The following RIF1 variants were observed in gnomAD, a reference collection of about 807,000 sequenced individuals.
The protein encoded by RIF1 is replication timing regulatory factor 1, also known as telomere-associated protein RIF1.
A neutral mutation model predicts 247.1 loss-of-function variants in RIF1; 45 were observed. The observed-to-expected ratio is 0.18, with a 90% CI of 0.14 to 0.23. The LOEUF is 0.23. Among genes scored for constraint, RIF1 ranks in the 10% least tolerant of loss-of-function variants. The pLI is 1.00. For synonymous variants in RIF1, 1,087 were observed against 978.8 expected, an observed-to-expected ratio of 1.11 and a Z score of -2.06; for missense variants, 2,967 against 2,862.5, an observed-to-expected ratio of 1.04 and a Z score of -0.83.
At position 151,464,394 on chromosome 2, in the gene RIF1, G is replaced by T; in HGVS notation, c.4874G>T (p.Ser1625Ile). 1 of 1,612,226 alleles carries T rather than the reference G, an allele frequency of 6.2e-7. No individual in the cohort carries two copies. The highest frequency in any genetic ancestry group is 2.2e-5 in the East Asian group (1 of 44,856). ...CCGATTTGCGAAAAACAAGATGAAA[G>T]TAATACTGTAATATGTCAGGATTCT... ...KSPICEKQDESNTVICQDSTV... is the reference protein window; with the variant it reads ...KSPICEKQDEINTVICQDSTV... Residue 1625 changes from serine to isoleucine, a missense_variant, in exon 30 of 36, where the codon AGT becomes ATT. By Grantham distance (142) the Ser-to-Ile change is moderately radical. Coordinates refer to ENST00000444746, the MANE Select transcript of RIF1 (RefSeq NM_018151.5).
In RIF1 at chr2:151,462,792, C is replaced by G. The variant is rs969565103; in HGVS notation, c.3364-92C>G. 2.7e-5 allele frequency: 25 copies of G among 924,002 alleles called. No individual in the cohort carries two copies. In the East Asian group the frequency reaches 5.8e-4, roughly 21 times the overall value. The allele number at this position is 924,002 out of a possible 1,614,324, so 57.2% of individuals were successfully genotyped here. On this transcript the variant is annotated intron_variant, in intron 29 of 35. Coordinates refer to ENST00000444746, the MANE Select transcript of RIF1 (RefSeq NM_018151.5). Reference sequence around the variant, plus strand: ...ATGTCAGTGATTATCTTTGGGTTACCGAAGTTTTACACTAAAGTTTTCCCA... The same window carrying G: ...ATGTCAGTGATTATCTTTGGGTTACGGAAGTTTTACACTAAAGTTTTCCCA...
chr2:151,514,800 A>G, the RIF1 span: 2 of 1,509,158 alleles, frequency 1.3e-6, no homozygotes, highest in Non-Finnish European at 9.0e-7. Context: ...GGGAAAGAAA[A>G]GACCAAGTGG....
At chr2:151,434,909 CAGG>C (rs1481171269) in intron 10 of RIF1, among the ~76,000 whole-genome samples, 2 of 152,020 alleles carry the variant, frequency 1.3e-5, no homozygotes, top group African/African-American at 4.8e-5. Flanking sequence ...CATTCTTGGA[CAGG>C]AGGACTTATA....
Position 151,451,686 on chromosome 2 carries a change from A to G in RIF1, c.2325A>G (p.Lys775=). 7.0e-7 allele frequency: 1 copy of G among 1,424,906 alleles called. No individual in the cohort carries two copies. Among genetic ancestry groups the G allele is most frequent in the South Asian group, 1.1e-5 (1 of 87,032 alleles). The allele number at this position is 1,424,906 out of a possible 1,614,324, so 88.3% of individuals were successfully genotyped here. Residue 775 remains lysine (K), a synonymous_variant, in exon 21 of 36, where the codon AAA becomes AAG. Coordinates refer to ENST00000444746, the MANE Select transcript of RIF1 (RefSeq NM_018151.5). ...DCIDFSPYNI[K]YQPKVKSPQR... ...TTGACTTCTCACCATATAATATTAAATATCAGCCCAAAGTTAAATGTAAGT... is the reference window on the plus strand; with the variant it reads ...TTGACTTCTCACCATATAATATTAAGTATCAGCCCAAAGTTAAATGTAAGT...
At chr2:151,512,333 TTC>T (rs1341601986), downstream of RIF1, among the ~76,000 whole-genome samples, 3 of 149,548 alleles carry the variant, frequency 2.0e-5, no homozygotes, top group Admixed American at 2.0e-4. Context: ...CATGCCGGGC[TTC>T]TCTCTTTTTT....
At chr2:151,415,467 G>T (rs922735358) in intron 4 of RIF1, among the ~76,000 whole-genome samples, 2 of 149,512 alleles carry the variant, frequency 1.3e-5, no homozygotes, top group African/African-American at 2.5e-5. Context: ...GGTGGCAGGT[G>T]CCTGTAGTCC....
chr2:151,516,606 T>C, the RIF1 span: 2 of 1,268,166 alleles, frequency 1.6e-6, no homozygotes, highest in Non-Finnish European at 1.1e-6. Context: ...CTCTGGTCAA[T>C]TCCTAGACAG....
intron 31 of RIF1, 74 bp from the exon 32 acceptor site, chr2:151,468,400 C>T (rs531334874): frequency 7.4e-6 from 9 of 1,220,014 alleles, no homozygotes; most frequent in Non-Finnish European, 1.1e-5. Flanking sequence ...TGATTGCAGT[C>T]TAAGTTGTAA....
At chr2:151,533,522 T>A in the RIF1 span, 1 of 1,551,134 alleles carries the variant, frequency 6.4e-7, no homozygotes, top group Admixed American at 2.0e-5. Flanking sequence ...TGCAGAAACA[T>A]CTTGGCACTA....
At chr2:151,521,165 C>G in the RIF1 span, among the ~76,000 whole-genome samples, 1 of 152,130 alleles carries the variant, frequency 6.6e-6, no homozygotes, top group Non-Finnish European at 1.5e-5. Context: ...TTCACCTCCC[C>G]CAACTTGACA....
chr2:151,514,763 T>C, the RIF1 span: 1 of 1,213,552 alleles, frequency 8.2e-7, no homozygotes, highest in Admixed American at 2.2e-5. Context: ...TTAATGAGTG[T>C]CACTAGTGCA....
downstream of RIF1, chr2:151,508,138 G>T: frequency 6.7e-7 from 1 of 1,495,406 alleles, no homozygotes; most frequent in Non-Finnish European, 9.2e-7. Flanking sequence ...AAATAAGGAG[G>T]GTAAACACCA....
At position 151,507,210 on chromosome 2, in the gene RIF1, G is replaced by A; in HGVS notation, c.*1028-519G>A. 7.7e-6 allele frequency: 4 copies of A among 519,460 alleles called. No homozygotes were observed. In the South Asian group the frequency reaches 9.8e-5, roughly 13 times the overall value. The allele number at this position is 519,460 out of a possible 1,614,324, so 32.2% of individuals were successfully genotyped here. A position where few individuals can be genotyped will look rare whatever the true frequency, so the allele number is the denominator to read the frequency against. ...AAACTAATTTTAAAAAACATATAAA[G>A]CTAGGGGTTTGTTTTTGTTTAAGTA... On this transcript the variant is annotated intron_variant and NMD_transcript_variant, in intron 13 of 13. Transcript: ENST00000454583.
At chr2:151,506,251 T>C in exon 13 of RIF1, 3 of 1,611,818 alleles carry the variant, frequency 1.9e-6, no homozygotes, top group Non-Finnish European at 2.5e-6. Flanking sequence ...ATCCTCTTTA[T>C]ATAAAACCTG....
intron 11 of RIF1, among the ~76,000 whole-genome samples, chr2:151,502,416 CAT>C (rs1231051226): frequency 1.3e-5 from 2 of 150,338 alleles, no homozygotes; most frequent in African/African-American, 4.9e-5. Context: ...AAGCTGCAAA[CAT>C]AAAGAATACA....
At chr2:151,459,677 T>A (rs1329691141) in intron 25 of RIF1, among the ~76,000 whole-genome samples, 1 of 152,250 alleles carries the variant, frequency 6.6e-6, no homozygotes, top group African/African-American at 2.4e-5. Context: ...GCTTTGAATA[T>A]TCTCTTAGAA....
chr2:151,443,529 G>T lies in RIF1; in HGVS notation c.1806G>T (p.Arg602Ser), dbSNP rs1385651434. 4 of 1,555,526 alleles carry T rather than the reference G, an allele frequency of 2.6e-6. No individual in the cohort carries two copies. The highest frequency in any genetic ancestry group is 4.4e-5 in the Admixed American group (2 of 45,552). The change falls in exon 18 of 36, where the codon AGG becomes AGT. Residue 602 changes from arginine (R) to serine (S), a missense_variant and splice_region_variant. Around this residue, in one of 7 missense-constraint regions of RIF1, gnomAD observed 369 missense variants for 322.0 expected, o/e 1.15. Transcript: ENST00000444746. ...NFLECGVSDERFFLSLESLVG... is the reference protein window; with the variant it reads ...NFLECGVSDESFFLSLESLVG... ...GCATTTTTTATAATTTTTTGTTCAGGTTCTTTCTCAGTTTGGAATCACTTG... is the reference window on the plus strand; with the variant it reads ...GCATTTTTTATAATTTTTTGTTCAGTTTCTTTCTCAGTTTGGAATCACTTG...
chr2:151,505,762 CGCTTT>C (rs2068333851), intron 12 of RIF1, among the ~76,000 whole-genome samples: 2 of 152,132 alleles, frequency 1.3e-5, no homozygotes, highest in Non-Finnish European at 2.9e-5. Flanking sequence ...AGGACAGGGA[CGCTTT>C]GTCTCTCTCT....
At chr2:151,447,051 C>T (rs1291466561) in intron 20 of RIF1, among the ~76,000 whole-genome samples, 1 of 150,682 alleles carries the variant, frequency 6.6e-6, no homozygotes, top group Admixed American at 6.6e-5. Flanking sequence ...TCACGCCATT[C>T]TCCTGCCTCA....
Sources: gnomAD v4.1 joint callset for allele counts (sites outside exome capture counted in the v4.1 genomes callset) on GRCh38, gnomAD v4.1.1 for gene constraint, gnomAD v4.1.1 regional missense constraint, MANE v1.5 for transcripts, NCBI Gene and HGNC (gene_info 2026-07-23, HGNC 2026-07-21) for gene names.